Variants in MOXD1 observed in about 807,000 individuals in gnomAD.
The protein encoded by MOXD1 is monooxygenase DBH like 1.
In MOXD1, 62 loss-of-function variants were observed where a neutral mutation model predicts 66.6. That is an observed-to-expected ratio of 0.93 (90% CI 0.76 to 1.15). The LOEUF (loss-of-function observed/expected upper bound fraction) is 1.15, where lower values mean the gene tolerates loss of function less well. Ranked by LOEUF, MOXD1 falls within the 50% of genes most tolerant of loss-of-function variation. The probability of loss-of-function intolerance (pLI) is 0.00; values close to 1 mark genes in which losing one functional copy is unlikely to be tolerated. For missense variants in MOXD1, 847 were observed against 754.6 expected (o/e 1.12, Z -1.44); for synonymous variants, 303 against 281.9 (o/e 1.07, Z -0.75).
At chr6:132,371,895 T>C (rs1266645119) in intron 4 of MOXD1, among the ~76,000 whole-genome samples, 1 of 152,204 alleles carries the variant, frequency 6.6e-6, no homozygotes, top group Admixed American at 6.5e-5. Flanking sequence ...CTTTCTTGTG[T>C]CTTGGCCATG....
At chr6:132,304,111 G>T (rs900634877) in intron 10 of MOXD1, among the ~76,000 whole-genome samples, 35 of 151,760 alleles carry the variant, frequency 2.3e-4, no homozygotes, top group Admixed American at 1.1e-3. Context: ...CTCCACTGCA[G>T]TGTATTAAGA....
At chr6:132,313,883 C>G (rs1774883779) in intron 10 of MOXD1, among the ~76,000 whole-genome samples, 1 of 152,096 alleles carries the variant, frequency 6.6e-6, no homozygotes, top group Non-Finnish European at 1.5e-5. Context: ...TCACTGCACT[C>G]CAGCCTGGGT....
At chr6:132,383,612 T>C (rs77655854) in intron 1 of MOXD1, among the ~76,000 whole-genome samples, 3,053 of 152,300 alleles carry the variant, frequency 0.02, 59 homozygotes, top group South Asian at 0.058. Flanking sequence ...GATAATGTAA[T>C]ACCTTGCTAT....
chr6:132,316,564 A>G (rs1327712114), intron 9 of MOXD1, among the ~76,000 whole-genome samples: 1 of 152,144 alleles, frequency 6.6e-6, no homozygotes, highest in Non-Finnish European at 1.5e-5. Context: ...GAACAATTTT[A>G]AAAATAGAAA....
At chr6:132,398,702 G>A (rs1284555888) in intron 1 of MOXD1, among the ~76,000 whole-genome samples, 2 of 152,078 alleles carry the variant, frequency 1.3e-5, no homozygotes, top group Non-Finnish European at 2.9e-5. Flanking sequence ...CACTTTAGGA[G>A]GCCGAGGCAG....
intron 8 of MOXD1, among the ~76,000 whole-genome samples, chr6:132,321,676 C>T (rs1254510487): frequency 6.6e-6 from 1 of 152,078 alleles, no homozygotes; most frequent in Non-Finnish European, 1.5e-5. Context: ...GCACTTATGC[C>T]ATAATCATGG....
chr6:132,310,492 C>A (rs1472524777), intron 10 of MOXD1, among the ~76,000 whole-genome samples: 5 of 152,140 alleles, frequency 3.3e-5, no homozygotes, highest in Non-Finnish European at 7.4e-5. Flanking sequence ...ATATCCCATT[C>A]TTGGTATATA....
chr6:132,332,689 T>C (rs982650079), intron 4 of MOXD1, among the ~76,000 whole-genome samples: 1 of 152,186 alleles, frequency 6.6e-6, no homozygotes, highest in Admixed American at 6.5e-5. Context: ...TTTCCCACAA[T>C]GCTTCACGCC....
At position 132,297,770 on chromosome 6, in the gene MOXD1, G is replaced by A. The variant is rs1018589297; in HGVS notation, c.1677+17C>T. The A allele has an allele frequency of 3.8e-6, 6 of 1,575,494 alleles. No homozygotes were observed. The highest frequency in any genetic ancestry group is 1.2e-5 in the South Asian group (1 of 84,018). On this transcript the variant is annotated intron_variant, in intron 11 of 11. Transcript: ENST00000367963. ...AAAATGTGTCATCTGGGTTGTCAGA[G>A]GTTAAAAAGAGCTTACCGACCACTC...
At chr6:132,399,490 A>C (rs1562303954) in intron 1 of MOXD1, among the ~76,000 whole-genome samples, 1 of 152,228 alleles carries the variant, frequency 6.6e-6, no homozygotes, top group Non-Finnish European at 1.5e-5. Flanking sequence ...ATCTCTATGA[A>C]GAACCACAAA....
At chr6:132,360,913 T>C (rs1020537129) in intron 4 of MOXD1, among the ~76,000 whole-genome samples, 1 of 152,182 alleles carries the variant, frequency 6.6e-6, no homozygotes, top group Non-Finnish European at 1.5e-5. Context: ...AAACATACCA[T>C]AAACCAAAGT....
At chr6:132,334,462 C>G (rs775384135) in intron 4 of MOXD1, among the ~76,000 whole-genome samples, 10 of 152,212 alleles carry the variant, frequency 6.6e-5, no homozygotes, top group Non-Finnish European at 1.5e-4. Context: ...CCCAAATGCT[C>G]AAATGGTGAA....
chr6:132,394,203 A>G (rs1421180001), intron 1 of MOXD1, among the ~76,000 whole-genome samples: 1 of 152,190 alleles, frequency 6.6e-6, no homozygotes, highest in African/African-American at 2.4e-5. Flanking sequence ...GACACCACTG[A>G]CACTGTTTAC....
chr6:132,310,839 C>T (rs1774811621), intron 10 of MOXD1, among the ~76,000 whole-genome samples: 1 of 151,924 alleles, frequency 6.6e-6, no homozygotes, highest in Non-Finnish European at 1.5e-5. Flanking sequence ...CACACCAGGG[C>T]CTGTTGGGGG....
At chr6:132,348,399 T>A (rs1375669948) in intron 4 of MOXD1, among the ~76,000 whole-genome samples, 1 of 152,188 alleles carries the variant, frequency 6.6e-6, no homozygotes, top group Non-Finnish European at 1.5e-5. Flanking sequence ...GGTACTCAAA[T>A]GTTGAAGTGA....
intron 4 of MOXD1, among the ~76,000 whole-genome samples, chr6:132,358,379 C>T (rs1363516667): frequency 2.6e-5 from 4 of 152,218 alleles, no homozygotes; most frequent in East Asian, 1.9e-4. Context: ...TAGGTTCCCA[C>T]TCTATGTTTA....
chr6:132,365,033 T>C (rs912234937), intron 4 of MOXD1, among the ~76,000 whole-genome samples: 1 of 152,192 alleles, frequency 6.6e-6, no homozygotes, highest in Non-Finnish European at 1.5e-5. Context: ...CTTTCTGTGT[T>C]TAGAACCAGC....
At position 132,301,201 on chromosome 6, in the gene MOXD1, TATA is replaced by T. The variant is rs1562275487; in HGVS notation, c.1509-3249_1509-3247del. ...ACATACATGTAAACGAATGGTATTA[TATA>T]TATATATATATATATATATTACTGT... On this transcript the variant is annotated intron_variant, in intron 10 of 11. Transcript: ENST00000367963. Among the ~76,000 whole-genome samples the T allele has an allele frequency of 2.8e-3, 75 of 26,986 alleles. No homozygotes were observed. In the African/African-American group the frequency reaches 0.091, roughly 33 times the overall value. 17.7% of individuals were successfully genotyped at this position (26,986 alleles called of 152,430 possible).
chr6:132,389,225 A>C (rs1776708441), intron 1 of MOXD1, among the ~76,000 whole-genome samples: 1 of 151,286 alleles, frequency 6.6e-6, no homozygotes, highest in Non-Finnish European at 1.5e-5. Flanking sequence ...AATTAGAGAA[A>C]ATACTTACTC....
Sources: gnomAD v4.1 joint callset for allele counts (sites outside exome capture counted in the v4.1 genomes callset) on GRCh38, gnomAD v4.1.1 for gene constraint, MANE v1.5 for transcripts, NCBI Gene and HGNC (gene_info 2026-07-23, HGNC 2026-07-21) for gene names.